PUDP: variants seen among roughly 807,000 people sequenced by gnomAD.
The protein encoded by PUDP is pseudouridine-5'-phosphatase.
PUDP carries 8 observed loss-of-function variants against 9.4 expected under a neutral mutation model. The observed-to-expected ratio is 0.85, with a 90% CI of 0.50 to 1.53. PUDP has a LOEUF of 1.53. Among genes scored for constraint, PUDP ranks in the 40% most tolerant of loss-of-function variants. The probability of loss-of-function intolerance (pLI) is 0.00; values close to 1 mark genes in which losing one functional copy is unlikely to be tolerated. For synonymous variants in PUDP, 99 were observed against 80.7 expected, an observed-to-expected ratio of 1.23 and a Z score of -1.22; for missense variants, 188 against 189.7, an observed-to-expected ratio of 0.99 and a Z score of 0.05.
intron 3 of PUDP, among the ~76,000 whole-genome samples, chrX:6,948,488 T>A (rs1042455894): frequency 9.0e-6 from 1 of 111,647 alleles, no homozygotes; most frequent in African/African-American, 3.3e-5. Flanking sequence ...TTTTAAACAT[T>A]AATGTGCACA....
chrX:6,860,239 C>T (rs1237005201), intron 3 of PUDP, among the ~76,000 whole-genome samples: 1 of 111,006 alleles, frequency 9.0e-6, no homozygotes, highest in Non-Finnish European at 1.9e-5. Flanking sequence ...TCATCGGCCT[C>T]CCAAAATCTT....
At chrX:6,751,365 C>G (rs1269635693) in intron 3 of PUDP, among the ~76,000 whole-genome samples, 2 of 111,251 alleles carry the variant, frequency 1.8e-5, no homozygotes, top group Non-Finnish European at 3.8e-5. Flanking sequence ...TGACAATTCC[C>G]TTCGCAAAGT....
At chrX:7,093,923 T>C (rs1824467235) in intron 2 of PUDP, among the ~76,000 whole-genome samples, 1 of 110,456 alleles carries the variant, frequency 9.1e-6, no homozygotes, top group Admixed American at 9.6e-5. Flanking sequence ...CTGAACAATA[T>C]AGTAGGGCCC....
At chrX:7,005,708 G>A (rs755539156) in intron 1 of PUDP, among the ~76,000 whole-genome samples, 11 of 111,452 alleles carry the variant, frequency 9.9e-5, no homozygotes, top group South Asian at 7.5e-4. Context: ...GCACCTGACC[G>A]CATCTTAAAA....
intron 1 of PUDP, among the ~76,000 whole-genome samples, chrX:6,984,875 G>C (rs141539272): frequency 8.9e-6 from 1 of 111,754 alleles, no homozygotes; most frequent in African/African-American, 3.3e-5. Context: ...ACCAAAATTA[G>C]GTGATTCAAT....
rs192954087 is a variant in PUDP at position 6,741,039 on chromosome X, A to T, written c.*248-34573T>A. Among the ~76,000 whole-genome samples the T allele has an allele frequency of 3.8e-3, 414 of 109,670 alleles. 5 individuals carry two copies. The highest frequency in any genetic ancestry group is 0.013 in the African/African-American group (398 of 29,871). ...CCGGGCGTGGTGGGGCACACCTGTA[A>T]TCTCAGTTACTCTGGAGGCTGAGGC... On this transcript the variant is annotated intron_variant and NMD_transcript_variant, in intron 3 of 3. Transcript: ENST00000655425.
At chrX:6,798,336 C>A (rs1358655600) in intron 3 of PUDP, among the ~76,000 whole-genome samples, 1 of 111,956 alleles carries the variant, frequency 8.9e-6, no homozygotes, top group African/African-American at 3.3e-5. Context: ...ATGATACAAT[C>A]ATATCCACCT....
intron 3 of PUDP, among the ~76,000 whole-genome samples, chrX:6,847,854 C>T (rs1220314480): frequency 1.8e-5 from 2 of 111,487 alleles, no homozygotes; most frequent in African/African-American, 3.3e-5. Context: ...TTCAGACTAG[C>T]CTGGGCTTGT....
At chrX:6,839,417 C>T (rs1423525062) in intron 3 of PUDP, among the ~76,000 whole-genome samples, 1 of 111,059 alleles carries the variant, frequency 9.0e-6, no homozygotes, top group African/African-American at 3.3e-5. Flanking sequence ...GAGGAGCAGT[C>T]GTTAGAAATT....
chrX:6,910,597 C>T (rs1005923243), intron 3 of PUDP, among the ~76,000 whole-genome samples: 2 of 111,882 alleles, frequency 1.8e-5, no homozygotes, highest in African/African-American at 6.5e-5. Context: ...TAGAGATGAA[C>T]AGTATTGTAC....
Position 6,749,168 on chromosome X carries a change from G to A in PUDP, c.*248-42702C>T, listed in dbSNP as rs749835101. Among the ~76,000 whole-genome samples the A allele has an allele frequency of 4.6e-4, 52 of 112,328 alleles. 1 individual carries two copies. The highest frequency in any genetic ancestry group is 1.5e-3 in the African/African-American group (47 of 30,933). ...GCATTAGAAAGAAAGATTGTGTGCT[G>A]AAAGTGAGGGGTGAAGTGGAGGACT... On this transcript the variant is annotated intron_variant and NMD_transcript_variant, in intron 3 of 3. Transcript: ENST00000655425.
intron 3 of PUDP, among the ~76,000 whole-genome samples, chrX:6,946,998 TTTG>T (rs201976330): frequency 3.6e-4 from 19 of 52,623 alleles, no homozygotes; most frequent in South Asian, 1.3e-3. Context: ...TTTCTGTTTG[TTTG>T]TTTTTTTTTT....
chrX:6,822,619 G>A lies in PUDP; in HGVS notation c.*248-116153C>T, dbSNP rs181393311. ...TTTTTGTATTTTTAGTAGAGACGGG[G>A]TTTCGCCATATTGGCTAGGATGGTC... On this transcript the variant is annotated intron_variant and NMD_transcript_variant, in intron 3 of 3. Transcript: ENST00000655425. Among the ~76,000 whole-genome samples, 36 of 110,679 alleles carry A rather than the reference G, an allele frequency of 3.3e-4. No homozygotes were observed. The Middle Eastern group carries it at 0.019, about 57-fold the overall frequency.
chrX:6,934,726 T>C (rs1484244832), intron 3 of PUDP, among the ~76,000 whole-genome samples: 1 of 90,297 alleles, frequency 1.1e-5, no homozygotes, highest in African/African-American at 4.1e-5. Flanking sequence ...GTGTGCTGTA[T>C]TCAGGAAACC....
At chrX:6,969,038 C>T (rs1376225983) in intron 3 of PUDP, among the ~76,000 whole-genome samples, 1 of 112,332 alleles carries the variant, frequency 8.9e-6, no homozygotes, top group African/African-American at 3.2e-5. Flanking sequence ...ACCAGCAGCT[C>T]CCCCTGTGCA....
chrX:6,921,796 G>C (rs918542834), intron 3 of PUDP, among the ~76,000 whole-genome samples: 1 of 110,330 alleles, frequency 9.1e-6, no homozygotes, highest in African/African-American at 3.3e-5. Context: ...ACCTTTCACT[G>C]TTTCCCATGG....
At chrX:7,141,555 A>C (rs1389577978) in intron 1 of PUDP, among the ~76,000 whole-genome samples, 9 of 113,348 alleles carry the variant, frequency 7.9e-5, no homozygotes, top group African/African-American at 2.9e-4. Flanking sequence ...GTCCTTGAAC[A>C]GCTCCTTGAA....
intron 3 of PUDP, among the ~76,000 whole-genome samples, chrX:6,852,584 A>G: frequency 1.0e-5 from 1 of 96,391 alleles, no homozygotes; most frequent in East Asian, 7.4e-4. Context: ...TCATTCTCAA[A>G]CAATAATTGT....
At chrX:6,739,589 A>C (rs1924912487) in intron 3 of PUDP, among the ~76,000 whole-genome samples, 1 of 111,661 alleles carries the variant, frequency 9.0e-6, no homozygotes, top group African/African-American at 3.3e-5. Context: ...AAAGTATAGG[A>C]CTGCCCTCCA....
Sources: gnomAD v4.1 joint callset for allele counts (sites outside exome capture counted in the v4.1 genomes callset) on GRCh38, gnomAD v4.1.1 for gene constraint, MANE v1.5 for transcripts, NCBI Gene and HGNC (gene_info 2026-07-23, HGNC 2026-07-21) for gene names.